The following PEX1 variants were observed in gnomAD, a reference collection of about 807,000 sequenced individuals.
The protein encoded by PEX1 is peroxisomal ATPase PEX1.
Under a neutral mutation model 152.5 loss-of-function variants are expected in PEX1, and 97 were observed. The ratio of observed to expected loss-of-function variants is 0.64; its 90% CI spans 0.54 to 0.75. PEX1 has a LOEUF of 0.75. Among genes scored for constraint, PEX1 ranks in the 30% least tolerant of loss-of-function variants. The pLI, the probability that PEX1 is intolerant of heterozygous loss-of-function variation, is 0.00. For synonymous variants in PEX1, 485 were observed against 531.6 expected (o/e 0.91, Z 1.21); for missense variants, 1,357 against 1,516.3 (o/e 0.89, Z 1.74).
At chr7:92,498,639 G>C (rs1390638775) in intron 16 of PEX1, among the ~76,000 whole-genome samples, 1 of 152,126 alleles carries the variant, frequency 6.6e-6, no homozygotes, top group Admixed American at 6.6e-5. Flanking sequence ...AAATTACACA[G>C]CTAAGATACT....
chr7:92,518,266 C>T lies in PEX1; in HGVS notation c.358-11G>A. ...AACAGCATGCAGCTCCTAGAACCAA[C>T]AGACGAAAAGATCAATTCACTTTAC... On this transcript the variant is annotated splice_polypyrimidine_tract_variant and intron_variant, in intron 3 of 23. Transcript: ENST00000248633. The T allele has an allele frequency of 6.8e-7, 1 of 1,477,570 alleles. No individual in the cohort carries two copies. Among genetic ancestry groups the T allele is most frequent in the Non-Finnish European group, 9.5e-7 (1 of 1,055,780 alleles). 91.5% of individuals were successfully genotyped at this position (1,477,570 alleles called of 1,614,324 possible). A position where few individuals can be genotyped will look rare whatever the true frequency, so the allele number is the denominator to read the frequency against.
At chr7:92,523,496 T>C (rs1793139237) in intron 1 of PEX1, among the ~76,000 whole-genome samples, 3 of 152,036 alleles carry the variant, frequency 2.0e-5, no homozygotes, top group Admixed American at 2.0e-4. Context: ...CATTTTTTTT[T>C]TCTATAGAGA....
chr7:92,500,284 G>A (rs1412476749), intron 15 of PEX1, among the ~76,000 whole-genome samples: 1 of 152,182 alleles, frequency 6.6e-6, no homozygotes, highest in Non-Finnish European at 1.5e-5. Context: ...TGCTTCTCAA[G>A]TTACCTTTTA....
intron 3 of PEX1, 136 bp downstream of exon 3, chr7:92,518,859 T>C: frequency 1.4e-6 from 1 of 725,328 alleles, no homozygotes; most frequent in Non-Finnish European, 2.4e-6. Flanking sequence ...CATGAGCTAC[T>C]GTGCCTGGCC....
chr7:92,491,441 C>T lies in PEX1; in HGVS notation c.3269G>A (p.Ser1090Asn). The T allele has an allele frequency of 6.2e-7, 1 of 1,613,950 alleles. No individual in the cohort carries two copies. The highest frequency in any genetic ancestry group is 8.5e-7 in the Non-Finnish European group (1 of 1,179,856). The change falls in exon 21 of 24, where the codon AGC (serine) becomes AAC (asparagine). Residue 1090 changes from serine (S) to asparagine (N), a missense_variant. Physicochemically the swap from Ser to Asn is conservative, Grantham distance 46. Coordinates refer to ENST00000248633, the MANE Select transcript of PEX1 (RefSeq NM_000466.3). Reference sequence around the variant, plus strand: ...TCCAGCTGAATCGTCAGAGCCACTGCTATGGTTAAGAAAGACCATTGAAGA... The same window carrying T: ...TCCAGCTGAATCGTCAGAGCCACTGTTATGGTTAAGAAAGACCATTGAAGA... ...SLSSMVFLNHSSGSDDSAGDG... is the reference protein window; with the variant it reads ...SLSSMVFLNHNSGSDDSAGDG...
chr7:92,508,014 CCTT>C (rs1241930759), intron 9 of PEX1, among the ~76,000 whole-genome samples: 5 of 151,466 alleles, frequency 3.3e-5, no homozygotes, highest in African/African-American at 1.2e-4. Context: ...TAATAGAACT[CCTT>C]AAGGAATCTT....
rs145312721 is a variant in PEX1, at chr7:92,498,453, C to T, written c.2718+1251G>A. 1.5e-3 allele frequency among the ~76,000 whole-genome samples: 230 copies of T among 152,204 alleles called. 1 individual carries two copies. The highest frequency in any genetic ancestry group is 5.1e-3 in the African/African-American group (212 of 41,538). On this transcript the variant is annotated intron_variant, in intron 16 of 23. Coordinates refer to ENST00000248633, the MANE Select transcript of PEX1 (RefSeq NM_000466.3). ...TAAGCCAAGATTGCATCACTACACT[C>T]CAGCCTGGCCAATAGAGTGAGACTC...
intron 5 of PEX1, among the ~76,000 whole-genome samples, chr7:92,514,292 G>A (rs1792619486): frequency 6.6e-6 from 1 of 152,128 alleles, no homozygotes; most frequent in Non-Finnish European, 1.5e-5. Flanking sequence ...TTGGGATTTC[G>A]ACATATGAAT....
At chr7:92,494,264 G>A (rs750849455) in intron 19 of PEX1, 29 bp downstream of exon 19, 34 of 1,511,886 alleles carry the variant, frequency 2.2e-5, no homozygotes, top group Non-Finnish European at 3.0e-5. Flanking sequence ...CATTTGTTGG[G>A]TTTTGGACTC....
rs1792177958 is a variant in PEX1, at chr7:92,506,187, T to C, written c.1900+61A>G. 8.0e-6 allele frequency: 7 copies of C among 879,736 alleles called. No individual in the cohort carries two copies. The South Asian group carries it at 9.2e-5, about 12-fold the overall frequency. 54.5% of individuals were successfully genotyped at this position (879,736 alleles called of 1,614,324 possible). A position where few individuals can be genotyped will look rare whatever the true frequency, so the allele number is the denominator to read the frequency against. On this transcript the variant is annotated intron_variant, in intron 11 of 23. Coordinates refer to ENST00000248633, the MANE Select transcript of PEX1 (RefSeq NM_000466.3). ...TATTTATTAGATTGACAGCATTATG[T>C]ATAACATTCCTGTCTTTCTAATGAA... is the stretch of plus-strand genomic sequence containing the variant.
In PEX1 at chr7:92,492,940, T is replaced by G. The variant is rs745340390; in HGVS notation, c.3207+13A>C. On this transcript the variant is annotated intron_variant, in intron 20 of 23. Transcript: ENST00000248633. ...CTCATAAAATGTCATAACAACTTCC[T>G]CATATAACTTGCCTGGAGTCCACTC... The G allele has an allele frequency of 6.2e-7, 1 of 1,602,460 alleles. No individual in the cohort carries two copies. Among genetic ancestry groups the G allele is most frequent in the South Asian group, 1.1e-5 (1 of 90,832 alleles).
intron 6 of PEX1, among the ~76,000 whole-genome samples, chr7:92,513,265 T>C (rs546770193): frequency 6.6e-6 from 1 of 152,220 alleles, no homozygotes. Flanking sequence ...CAATGTTCAC[T>C]GTAGCATTAT....
chr7:92,506,772 G>C (rs1792210585), intron 10 of PEX1: 1 of 575,962 alleles, frequency 1.7e-6, no homozygotes, highest in Non-Finnish European at 3.1e-6. Flanking sequence ...CACAGAAAAA[G>C]GGCATGGAGA....
intron 1 of PEX1, 134 bp downstream of exon 1, chr7:92,528,173 C>T (rs1793381133): frequency 3.5e-6 from 4 of 1,147,772 alleles, no homozygotes; most frequent in African/African-American, 1.5e-5. Context: ...AAGGGCCCTG[C>T]CGTCGAGGGA....
intron 23 of PEX1, among the ~76,000 whole-genome samples, chr7:92,488,837 A>T (rs1215967954): frequency 6.6e-6 from 1 of 151,544 alleles, no homozygotes; most frequent in Non-Finnish European, 1.5e-5. Context: ...GGGTTCAAGC[A>T]ATTCTCCTGT....
intron 5 of PEX1, among the ~76,000 whole-genome samples, chr7:92,514,705 G>C (rs1174551025): frequency 6.6e-6 from 1 of 152,130 alleles, no homozygotes; most frequent in Non-Finnish European, 1.5e-5. Flanking sequence ...AGATTGTGGT[G>C]ATGGCTGTAC....
At position 92,517,500 on chromosome 7, in the gene PEX1, G is replaced by A; in HGVS notation, c.1015C>T (p.Leu339Phe). 2 of 1,613,932 alleles carry A rather than the reference G, an allele frequency of 1.2e-6. No homozygotes were observed. Among genetic ancestry groups the A allele is most frequent in the Non-Finnish European group, 1.7e-6 (2 of 1,179,980 alleles). The change falls in exon 5 of 24, where the codon CTT (leucine) becomes TTT (phenylalanine). Residue 339 changes from leucine (L) to phenylalanine (F), a missense_variant. Physicochemically the swap from Leu to Phe is conservative, Grantham distance 22 (BLOSUM62 0). Coordinates refer to ENST00000248633, the MANE Select transcript of PEX1 (RefSeq NM_000466.3). ...TVTYGKLVKLLSPKQQQSKTK... is the reference protein window; with the variant it reads ...TVTYGKLVKLFSPKQQQSKTK... ...TTACTTTGCTGTTGCTTTGGAGAAA[G>A]TAGCTTAACTAGCTTTCCATATGTC...
intron 1 of PEX1, 60 bp downstream of exon 1, chr7:92,528,247 A>T: frequency 6.5e-7 from 1 of 1,540,972 alleles, no homozygotes; most frequent in South Asian, 1.2e-5. Flanking sequence ...CGTCCCTGAG[A>T]GGCTTCGGCC....
At chr7:92,488,574 A>G (rs1791068913) in intron 23 of PEX1, among the ~76,000 whole-genome samples, 1 of 152,230 alleles carries the variant, frequency 6.6e-6, no homozygotes, top group Non-Finnish European at 1.5e-5. Context: ...AAATGAATAA[A>G]TCTGAATGTA....
Sources: allele counts gnomAD v4.1 joint callset (sites outside exome capture counted in the v4.1 genomes callset), GRCh38; gene constraint gnomAD v4.1.1; transcripts MANE v1.5; gene names NCBI Gene and HGNC (gene_info 2026-07-23, HGNC 2026-07-21).